LINGO2: variants seen among roughly 807,000 people sequenced by gnomAD.
LINGO2 encodes leucine-rich repeat and immunoglobulin-like domain-containing nogo receptor-interacting protein 2.
LINGO2 carries 14 observed loss-of-function variants against 30.6 expected under a neutral mutation model. The observed-to-expected ratio is 0.46, with a 90% confidence interval of 0.30 to 0.72. LINGO2 has a LOEUF of 0.72. LINGO2 is among the 30% of genes least tolerant of loss of function. LINGO2 has a pLI of 0.07. For missense variants in LINGO2, 729 were observed against 751.7 expected (o/e 0.97, Z 0.35); for synonymous variants, 317 against 288.5 (o/e 1.10, Z -1.00).
At chr9:28,617,854 T>C (rs928438578) in intron 1 of LINGO2, among the ~76,000 whole-genome samples, 15 of 152,160 alleles carry the variant, frequency 9.9e-5, no homozygotes, top group South Asian at 2.1e-4. Flanking sequence ...ACTTATGTCT[T>C]TCCCCTTTAC....
At chr9:28,552,329 A>C (rs1360387936) in intron 1 of LINGO2, among the ~76,000 whole-genome samples, 1 of 151,972 alleles carries the variant, frequency 6.6e-6, no homozygotes, top group Non-Finnish European at 1.5e-5. Context: ...TCTTCCAGTA[A>C]CATTAAGAAA....
the LINGO2 span, among the ~76,000 whole-genome samples, chr9:29,105,492 C>G: frequency 6.6e-6 from 1 of 152,082 alleles, no homozygotes; most frequent in African/African-American, 2.4e-5. Flanking sequence ...AGTAAAGTAC[C>G]AAAATCCGAG....
At chr9:28,436,679 G>A (rs923728796) in intron 2 of LINGO2, among the ~76,000 whole-genome samples, 1 of 152,002 alleles carries the variant, frequency 6.6e-6, no homozygotes, top group Non-Finnish European at 1.5e-5. Flanking sequence ...GGATGGTCTC[G>A]ATCTCCTGAC....
At position 28,199,344 on chromosome 9, in the gene LINGO2, C is replaced by CTTT. The variant is rs757957924; in HGVS notation, c.-87+95861_-87+95863dup. Among the ~76,000 whole-genome samples the CTTT allele has an allele frequency of 3.3e-3, 384 of 117,666 alleles. 18 individuals are homozygous for CTTT. The highest frequency in any genetic ancestry group is 0.011 in the African/African-American group (360 of 32,586). 77.2% of individuals were successfully genotyped at this position (117,666 alleles called of 152,430 possible). A position where few individuals can be genotyped will look rare whatever the true frequency, so the allele number is the denominator to read the frequency against. ...CTATCTTCTTCTTCTTCTTCTTCTTCTTTTTTTTTTTTTGAGACGGAGTCT... is the reference window on the plus strand; with the variant it reads ...CTATCTTCTTCTTCTTCTTCTTCTTCTTTTTTTTTTTTTTTTGAGACGGAGTCT... On this transcript the variant is annotated intron_variant, in intron 4 of 5. Transcript: ENST00000379992.
chr9:28,381,965 T>C (rs529358095), intron 2 of LINGO2, among the ~76,000 whole-genome samples: 1 of 152,158 alleles, frequency 6.6e-6, no homozygotes, highest in Admixed American at 6.6e-5. Flanking sequence ...CATATTACAA[T>C]CAGGATATTA....
chr9:28,288,701 A>G (rs1823609145), intron 4 of LINGO2, among the ~76,000 whole-genome samples: 1 of 152,188 alleles, frequency 6.6e-6, no homozygotes, highest in African/African-American at 2.4e-5. Context: ...GAAAGTATTT[A>G]AGAGTCACAT....
chr9:28,046,283 C>A (rs905025768), intron 4 of LINGO2, among the ~76,000 whole-genome samples: 5 of 152,136 alleles, frequency 3.3e-5, no homozygotes, highest in Non-Finnish European at 5.9e-5. Context: ...TGTACAGGAC[C>A]ATTAAGAATT....
At chr9:28,171,632 C>CT (rs1036811537) in intron 4 of LINGO2, among the ~76,000 whole-genome samples, 2 of 152,036 alleles carry the variant, frequency 1.3e-5, no homozygotes, top group African/African-American at 2.4e-5. Flanking sequence ...ACCAATGTAT[C>CT]TTTTTTTCAC....
the LINGO2 span, among the ~76,000 whole-genome samples, chr9:29,006,588 C>T: frequency 5.4e-3 from 822 of 152,040 alleles, 8 homozygotes; most frequent in African/African-American, 0.019. Flanking sequence ...GGATGTATTC[C>T]GAACTATTAA....
At chr9:28,955,172 A>AAT in the LINGO2 span, among the ~76,000 whole-genome samples, 1 of 134,396 alleles carries the variant, frequency 7.4e-6, no homozygotes, top group African/African-American at 2.7e-5. Context: ...ATAGAGTCGA[A>AAT]ATAGAGAGAG....
the LINGO2 span, among the ~76,000 whole-genome samples, chr9:29,135,863 G>A: frequency 1.3e-5 from 2 of 152,054 alleles, no homozygotes; most frequent in Admixed American, 1.3e-4. Flanking sequence ...ACATAAGTGA[G>A]CTCATACAGT....
chr9:28,335,781 A>T (rs1825569926), intron 3 of LINGO2, among the ~76,000 whole-genome samples: 1 of 152,172 alleles, frequency 6.6e-6, no homozygotes, highest in South Asian at 2.1e-4. Flanking sequence ...AATATGAATT[A>T]TTGGCTGAGT....
intron 1 of LINGO2, among the ~76,000 whole-genome samples, chr9:28,600,254 C>A (rs1825404273): frequency 6.6e-6 from 1 of 152,040 alleles, no homozygotes; most frequent in South Asian, 2.1e-4. Context: ...CTTAAAGGGA[C>A]TTCTGTTTGT....
chr9:28,303,542 A>C (rs1270080503), intron 3 of LINGO2, among the ~76,000 whole-genome samples: 1 of 152,132 alleles, frequency 6.6e-6, no homozygotes, highest in Non-Finnish European at 1.5e-5. Context: ...CTCCCCCAAA[A>C]CTTAACTACT....
At chr9:29,158,521 TGCTCTCAAGTCAATTTTCTCCAAA>T in the LINGO2 span, among the ~76,000 whole-genome samples, 30,997 of 151,566 alleles carry the variant, frequency 0.2, 3,464 homozygotes, top group East Asian at 0.36. Context: ...TAAAATAATA[TGCTCTCAAGTCAATTTTCTCCAAA>T]GCTCTCAAGT....
At chr9:28,253,650 T>A (rs982655325) in intron 4 of LINGO2, among the ~76,000 whole-genome samples, 1 of 152,120 alleles carries the variant, frequency 6.6e-6, no homozygotes, top group Non-Finnish European at 1.5e-5. Flanking sequence ...TGGTAGGAGT[T>A]AAAACCTCAG....
At chr9:28,978,301 G>A in the LINGO2 span, among the ~76,000 whole-genome samples, 1,320 of 152,204 alleles carry the variant, frequency 8.7e-3, 25 homozygotes, top group African/African-American at 0.03. Context: ...GGGGTGGAGT[G>A]AGAACAACTG....
chr9:28,498,795 G>T (rs1819765983), intron 1 of LINGO2, among the ~76,000 whole-genome samples: 1 of 151,980 alleles, frequency 6.6e-6, no homozygotes, highest in East Asian at 1.9e-4. Flanking sequence ...GGCCATCTTG[G>T]AACCGCCCCC....
At chr9:28,412,804 A>G (rs1822819944) in intron 2 of LINGO2, among the ~76,000 whole-genome samples, 1 of 152,064 alleles carries the variant, frequency 6.6e-6, no homozygotes, top group Non-Finnish European at 1.5e-5. Context: ...TTAAATGATA[A>G]GTTCACTTTA....
Sources: gnomAD v4.1 joint callset for allele counts (sites outside exome capture counted in the v4.1 genomes callset) on GRCh38, gnomAD v4.1.1 for gene constraint, MANE v1.5 for transcripts, NCBI Gene and HGNC (gene_info 2026-07-23, HGNC 2026-07-21) for gene names.